The following ERICH6B variants were observed in gnomAD, a reference collection of about 807,000 sequenced individuals.
ERICH6B encodes the protein glutamate-rich protein 6B.
A neutral mutation model predicts 80.0 loss-of-function variants in ERICH6B; 69 were observed. The observed-to-expected ratio is 0.86, with a 90% CI of 0.71 to 1.05. The LOEUF (loss-of-function observed/expected upper bound fraction) is 1.05. ERICH6B is among the 50% of genes least tolerant of loss of function. The pLI is 0.00. For synonymous variants in ERICH6B, 283 were observed against 291.9 expected, an observed-to-expected ratio of 0.97 and a Z score of 0.31; for missense variants, 754 against 796.1, an observed-to-expected ratio of 0.95 and a Z score of 0.64.
In ERICH6B at chr13:45,561,459, A is replaced by G. The variant is rs748559621; in HGVS notation, c.1317T>C (p.Pro439=). 5 of 1,552,150 alleles carry G rather than the reference A, an allele frequency of 3.2e-6. No individual in the cohort carries two copies. The highest frequency in any genetic ancestry group is 1.7e-4 in the Middle Eastern group (1 of 5,998). ...GAGGCTTTTGGATTTCTTCTGTCTC[A>G]GGCTTCTCAGGTGTTGGTTTGCTCA... is the stretch of plus-strand genomic sequence containing the variant. ...HLMSKPTPEK[P]ETEEIQKPQR... The change falls in exon 11 of 15, where the codon CCT becomes CCC. Residue 439 remains proline, a synonymous_variant. Coordinates refer to ENST00000298738, the MANE Select transcript of ERICH6B (RefSeq NM_182542.3).
At chr13:45,583,656 G>A (rs1401186109) in intron 5 of ERICH6B, among the ~76,000 whole-genome samples, 9 of 152,130 alleles carry the variant, frequency 5.9e-5, no homozygotes, top group African/African-American at 1.9e-4. Flanking sequence ...AATCATGGGG[G>A]CGGTTTCCCC....
intron 2 of ERICH6B, among the ~76,000 whole-genome samples, chr13:45,598,918 C>T (rs368395011): frequency 6.1e-4 from 93 of 152,248 alleles, no homozygotes; most frequent in African/African-American, 2.2e-3. Flanking sequence ...CTCCAGGCAG[C>T]GCACCTCTGA....
chr13:45,541,688 G>A lies in ERICH6B; in HGVS notation c.1873-8C>T, dbSNP rs961047878. On this transcript the variant is annotated splice_region_variant and splice_polypyrimidine_tract_variant and intron_variant, in intron 14 of 14. Transcript: ENST00000298738. Reference sequence around the variant, plus strand: ...CACCTCTGGGATCACAAACTGTGGGGATTCACAGAGGACTGGGTGAGAATG... The same window carrying A: ...CACCTCTGGGATCACAAACTGTGGGAATTCACAGAGGACTGGGTGAGAATG... The A allele has an allele frequency of 3.9e-6, 6 of 1,549,630 alleles. No individual in the cohort carries two copies. The African/African-American group carries it at 8.2e-5, about 21-fold the overall frequency.
intron 1 of ERICH6B, among the ~76,000 whole-genome samples, chr13:45,614,913 T>C (rs1949919231): frequency 6.6e-6 from 1 of 152,262 alleles, no homozygotes; most frequent in Non-Finnish European, 1.5e-5. Flanking sequence ...CATTAAAACA[T>C]GCCAGGGGGC....
intron 11 of ERICH6B, 25 bp downstream of exon 11, chr13:45,561,344 A>G: frequency 1.3e-6 from 2 of 1,542,510 alleles, no homozygotes; most frequent in South Asian, 1.2e-5. Flanking sequence ...CAAAGTAAAA[A>G]ACAGCAATGT....
intron 7 of ERICH6B, among the ~76,000 whole-genome samples, chr13:45,577,891 C>T (rs1875489625): frequency 6.6e-6 from 1 of 152,218 alleles, no homozygotes; most frequent in Non-Finnish European, 1.5e-5. Context: ...CTGCACCCAG[C>T]CTCTTAACAT....
rs113662807 is a variant in ERICH6B at position 45,550,741 on chromosome 13, C to T, written c.1408-425G>A. 6.3e-3 allele frequency among the ~76,000 whole-genome samples: 955 copies of T among 152,200 alleles called. 12 individuals carry two copies. Among genetic ancestry groups the T allele is most frequent in the African/African-American group, 0.022 (901 of 41,508 alleles). On this transcript the variant is annotated intron_variant, in intron 11 of 14. Coordinates refer to ENST00000298738, the MANE Select transcript of ERICH6B (RefSeq NM_182542.3). ...TTTTCTCTTGGCTTTTGATGATAGA[C>T]GGAGATCCTTGACATTCCTTGGCTT... is the stretch of plus-strand genomic sequence containing the variant.
intron 1 of ERICH6B, among the ~76,000 whole-genome samples, chr13:45,609,175 A>G (rs1177760724): frequency 6.6e-6 from 1 of 152,144 alleles, no homozygotes; most frequent in African/African-American, 2.4e-5. Context: ...CACTGCTTCT[A>G]TGTTGCTCCC....
At chr13:45,542,457 T>G (rs1322111564) in intron 14 of ERICH6B, among the ~76,000 whole-genome samples, 1 of 152,210 alleles carries the variant, frequency 6.6e-6, no homozygotes, top group Non-Finnish European at 1.5e-5. Flanking sequence ...TCTTTGGCTC[T>G]GATTAGTTAC....
chr13:45,597,281 T>G (rs1052440677), intron 2 of ERICH6B, among the ~76,000 whole-genome samples: 2 of 152,170 alleles, frequency 1.3e-5, no homozygotes, highest in African/African-American at 4.8e-5. Context: ...AGACCAGGCC[T>G]TTGAAATTAT....
At chr13:45,568,476 T>A (rs1875017995) in intron 8 of ERICH6B, 25 bp from the exon 9 acceptor site, 1 of 1,467,032 alleles carries the variant, frequency 6.8e-7, no homozygotes. Context: ...AAGAATGAAA[T>A]ATTCAGAAAA....
At chr13:45,608,972 C>T (rs931365935) in intron 1 of ERICH6B, among the ~76,000 whole-genome samples, 4 of 152,178 alleles carry the variant, frequency 2.6e-5, no homozygotes, top group Non-Finnish European at 5.9e-5. Flanking sequence ...CCCAAACCCA[C>T]GAATCAATCC....
intron 9 of ERICH6B, 55 bp from the exon 10 acceptor site, chr13:45,563,843 C>A: frequency 1.0e-5 from 14 of 1,402,654 alleles, no homozygotes; most frequent in Non-Finnish European, 1.4e-5. Context: ...CGCATACATG[C>A]CATCACACAC....
intron 9 of ERICH6B, among the ~76,000 whole-genome samples, chr13:45,565,090 T>C (rs1874857267): frequency 6.6e-6 from 1 of 152,078 alleles, no homozygotes; most frequent in South Asian, 2.1e-4. Context: ...AGGGAGAAAA[T>C]GGCACAGAGG....
At chr13:45,548,464 T>C (rs1317062403) in intron 13 of ERICH6B, among the ~76,000 whole-genome samples, 2 of 152,198 alleles carry the variant, frequency 1.3e-5, no homozygotes, top group Non-Finnish European at 2.9e-5. Flanking sequence ...GTAACATTTT[T>C]CCTCTGGAGC....
chr13:45,575,283 G>T (rs369860804), intron 7 of ERICH6B, among the ~76,000 whole-genome samples: 2 of 152,208 alleles, frequency 1.3e-5, no homozygotes, highest in African/African-American at 2.4e-5. Context: ...AACATTTGCC[G>T]CACATTCCGG....
intron 7 of ERICH6B, among the ~76,000 whole-genome samples, chr13:45,579,579 A>G (rs1302841567): frequency 6.6e-6 from 1 of 152,212 alleles, no homozygotes; most frequent in African/African-American, 2.4e-5. Flanking sequence ...AAGATGGCAT[A>G]GGACCCTGAG....
At chr13:45,585,477 C>T (rs77133257) in intron 5 of ERICH6B, among the ~76,000 whole-genome samples, 4,604 of 152,246 alleles carry the variant, frequency 0.03, 216 homozygotes, top group African/African-American at 0.1. Context: ...TTGGAAACTA[C>T]AGACAGAAGG....
chr13:45,596,943 T>C lies in ERICH6B; in HGVS notation c.63A>G (p.Gln21=), dbSNP rs1001343608. Residue 21 remains glutamine (Q), a synonymous_variant, in exon 3 of 15, where the codon CAA becomes CAG. Coordinates refer to ENST00000298738, the MANE Select transcript of ERICH6B (RefSeq NM_182542.3). The part of the protein sequence containing the change: ...ASPPHPPTTP[Q]YSTQNLPSEK... ...CTGAAGGCAAGTTCTGTGTGGAATATTGGGGAGTTGTGGGAGGGTGAGGAG... is the reference window on the plus strand; with the variant it reads ...CTGAAGGCAAGTTCTGTGTGGAATACTGGGGAGTTGTGGGAGGGTGAGGAG... The C allele has an allele frequency of 9.0e-6, 14 of 1,551,634 alleles. No individual in the cohort carries two copies. Among genetic ancestry groups the C allele is most frequent in the African/African-American group, 4.1e-5 (3 of 73,046 alleles).
Sources: allele counts gnomAD v4.1 joint callset (sites outside exome capture counted in the v4.1 genomes callset), GRCh38; gene constraint gnomAD v4.1.1; transcripts MANE v1.5; gene names NCBI Gene and HGNC (gene_info 2026-07-23, HGNC 2026-07-21).